The following C10orf90 variants were observed in gnomAD, a reference collection of about 807,000 sequenced individuals.
The protein encoded by C10orf90 is (E2-independent) E3 ubiquitin-conjugating enzyme FATS.
Under a neutral mutation model 62.5 loss-of-function variants are expected in C10orf90, and 56 were observed. The observed-to-expected ratio is 0.90, with a 90% CI of 0.72 to 1.12. The LOEUF (loss-of-function observed/expected upper bound fraction) is 1.12, where lower values mean the gene tolerates loss of function less well. Ranked by LOEUF, C10orf90 falls within the 50% of genes most tolerant of loss-of-function variation. The pLI, the probability that C10orf90 is intolerant of heterozygous loss-of-function variation, is 0.00. For missense variants in C10orf90, 970 were observed against 880.4 expected (o/e 1.10, Z -1.29); for synonymous variants, 386 against 340.4 (o/e 1.13, Z -1.47).
intron 2 of C10orf90, among the ~76,000 whole-genome samples, chr10:126,584,793 C>A (rs2134020135): frequency 6.6e-6 from 1 of 152,234 alleles, no homozygotes; most frequent in South Asian, 2.1e-4. Flanking sequence ...TTAAGAATTT[C>A]TCACAATTCT....
chr10:126,489,456 A>T (rs888492946), intron 4 of C10orf90, among the ~76,000 whole-genome samples: 1 of 152,160 alleles, frequency 6.6e-6, no homozygotes, highest in African/African-American at 2.4e-5. Context: ...ACCAACAAAA[A>T]CATGGAAAGA....
intron 7 of C10orf90, among the ~76,000 whole-genome samples, chr10:126,435,848 A>T (rs977584883): frequency 2.8e-4 from 43 of 152,034 alleles, no homozygotes; most frequent in Admixed American, 7.9e-4. Context: ...CTCTCTCCCC[A>T]AGTGGCACAT....
intron 4 of C10orf90, among the ~76,000 whole-genome samples, chr10:126,484,141 T>G (rs1248835329): frequency 2.0e-5 from 3 of 152,196 alleles, no homozygotes; most frequent in African/African-American, 7.2e-5. Context: ...TAAAGCACAG[T>G]AATTCATATG....
chr10:126,512,384 GT>G (rs1564847092), intron 3 of C10orf90, among the ~76,000 whole-genome samples: 1 of 141,992 alleles, frequency 7.0e-6, no homozygotes, highest in Non-Finnish European at 1.5e-5. Context: ...GTGTGTGTGT[GT>G]CTGTGTGTGT....
chr10:126,466,270 T>C (rs1419432598), intron 4 of C10orf90, among the ~76,000 whole-genome samples: 1 of 151,890 alleles, frequency 6.6e-6, no homozygotes, highest in Non-Finnish European at 1.5e-5. Flanking sequence ...ATATTCTTGC[T>C]TGGGAGGCCG....
At chr10:126,544,512 C>G (rs192395493) in intron 2 of C10orf90, among the ~76,000 whole-genome samples, 28 of 152,222 alleles carry the variant, frequency 1.8e-4, no homozygotes, top group Non-Finnish European at 2.9e-5. Flanking sequence ...AACCATAAGA[C>G]ACATTCCCAA....
chr10:126,649,151 G>C (rs1459210717), intron 1 of C10orf90, among the ~76,000 whole-genome samples: 2 of 146,052 alleles, frequency 1.4e-5, no homozygotes, highest in Non-Finnish European at 3.0e-5. Context: ...CTTCTCCAAA[G>C]CCCGGAACCA....
At chr10:126,598,598 C>T (rs1845132913) in intron 2 of C10orf90, among the ~76,000 whole-genome samples, 1 of 152,154 alleles carries the variant, frequency 6.6e-6, no homozygotes, top group South Asian at 2.1e-4. Flanking sequence ...TCGGTGTCTT[C>T]CTCTATCAGA....
intron 7 of C10orf90, among the ~76,000 whole-genome samples, chr10:126,451,846 A>G (rs1859223462): frequency 6.6e-6 from 1 of 152,172 alleles, no homozygotes; most frequent in Non-Finnish European, 1.5e-5. Flanking sequence ...CAAATACTGT[A>G]TGATCTTACT....
chr10:126,526,560 A>G (rs886312027), intron 2 of C10orf90, among the ~76,000 whole-genome samples: 1 of 152,096 alleles, frequency 6.6e-6, no homozygotes, highest in African/African-American at 2.4e-5. Flanking sequence ...TTTTTTTAAT[A>G]ACAGCTTTAT....
At chr10:126,637,007 C>T (rs540241136) in intron 2 of C10orf90, among the ~76,000 whole-genome samples, 3 of 151,940 alleles carry the variant, frequency 2.0e-5, no homozygotes, top group Non-Finnish European at 2.9e-5. Flanking sequence ...TCTTGGGGGG[C>T]GCTCTTGATA....
At chr10:126,589,739 C>T (rs1472495427) in intron 2 of C10orf90, among the ~76,000 whole-genome samples, 2 of 152,172 alleles carry the variant, frequency 1.3e-5, no homozygotes, top group Non-Finnish European at 1.5e-5. Context: ...CCATTACTAG[C>T]CACTACAAAA....
At chr10:126,516,811 C>G (rs1298641811) in intron 2 of C10orf90, among the ~76,000 whole-genome samples, 1 of 152,130 alleles carries the variant, frequency 6.6e-6, no homozygotes, top group African/African-American at 2.4e-5. Context: ...GGTGGCAGGG[C>G]TGGGTTCCTT....
intron 4 of C10orf90, among the ~76,000 whole-genome samples, chr10:126,495,008 G>A (rs1346013286): frequency 2.6e-5 from 4 of 152,206 alleles, no homozygotes; most frequent in Non-Finnish European, 4.4e-5. Flanking sequence ...TGTCAAAGTA[G>A]TTTGTTGTTA....
rs143102227 is a variant in C10orf90 at position 126,538,951 on chromosome 10, G to A, written c.314-25012C>T. 1.2e-3 allele frequency among the ~76,000 whole-genome samples: 187 copies of A among 152,352 alleles called. 3 individuals are homozygous for A. The East Asian group carries it at 0.029, about 24-fold the overall frequency. On this transcript the variant is annotated intron_variant, in intron 2 of 9. Transcript: ENST00000488181. ...TATGTTGAAGTGAGGCATGCCAGCT[G>A]AGCTGGAGCCAGGAACTGGTCCTTG...
At chr10:126,618,543 T>C (rs57122589) in intron 2 of C10orf90, among the ~76,000 whole-genome samples, 7,365 of 152,208 alleles carry the variant, frequency 0.048, 523 homozygotes, top group African/African-American at 0.16. Flanking sequence ...CTAAACCTCT[T>C]CCTCCTTATT....
intron 4 of C10orf90, among the ~76,000 whole-genome samples, chr10:126,476,914 T>C (rs1421819136): frequency 6.8e-6 from 1 of 146,202 alleles, no homozygotes; most frequent in Non-Finnish European, 1.5e-5. Context: ...TTTCCTTTTT[T>C]TTTTTTTTTT....
intron 2 of C10orf90, among the ~76,000 whole-genome samples, chr10:126,637,190 G>A (rs1477711230): frequency 6.6e-6 from 1 of 152,232 alleles, no homozygotes; most frequent in Non-Finnish European, 1.5e-5. Flanking sequence ...GTCAGAGGAA[G>A]AAGAGGAGGC....
chr10:126,612,014 G>A (rs947164560), intron 2 of C10orf90, among the ~76,000 whole-genome samples: 3 of 152,138 alleles, frequency 2.0e-5, no homozygotes, highest in Admixed American at 2.0e-4. Context: ...AATCACATTA[G>A]TCATATTTCA....
Sources: gnomAD v4.1 joint callset for allele counts (sites outside exome capture counted in the v4.1 genomes callset) on GRCh38, gnomAD v4.1.1 for gene constraint, MANE v1.5 for transcripts, NCBI Gene and HGNC (gene_info 2026-07-23, HGNC 2026-07-21) for gene names.